The following TTLL8 variants were observed in gnomAD, a reference collection of about 807,000 sequenced individuals.
TTLL8 encodes tubulin tyrosine ligase like 8.
Under a neutral mutation model 77.8 loss-of-function variants are expected in TTLL8, and 65 were observed. The ratio of observed to expected loss-of-function variants is 0.84; its 90% CI spans 0.68 to 1.03. The LOEUF (loss-of-function observed/expected upper bound fraction) is 1.03, where lower values mean the gene tolerates loss of function less well. Ranked by LOEUF, TTLL8 falls within the 50% of genes least tolerant of loss-of-function variation. TTLL8 has a pLI of 0.00. For synonymous variants in TTLL8, 402 were observed against 422.8 expected (o/e 0.95, Z 0.60); for missense variants, 910 against 1,004.5 (o/e 0.91, Z 1.27).
In TTLL8 at chr22:50,047,304, G is replaced by GA. The variant is rs759149193; in HGVS notation, c.265-9dup. The GA allele has an allele frequency of 1.5e-6, 2 of 1,366,408 alleles. No individual in the cohort carries two copies. Among genetic ancestry groups the GA allele is most frequent in the Admixed American group, 1.9e-5 (1 of 52,176 alleles). 84.6% of individuals were successfully genotyped at this position (1,366,408 alleles called of 1,614,324 possible). ...ATTTTTTACCAACCTAGACTGGCAA[G>GA]AAAAAAGTCTTTATTGATGCCCAGC... On this transcript the variant is annotated splice_polypyrimidine_tract_variant and intron_variant, in intron 3 of 13. Coordinates refer to ENST00000266182, the Ensembl canonical transcript of TTLL8.
At chr22:50,022,777 A>T (rs1361357996) in intron 12 of TTLL8, among the ~76,000 whole-genome samples, 1 of 152,284 alleles carries the variant, frequency 6.6e-6, no homozygotes, top group Non-Finnish European at 1.5e-5. Flanking sequence ...CATAAAGATC[A>T]TAAGGGAAGA....
chr22:50,054,796 G>A (rs1601941420), upstream of TTLL8, among the ~76,000 whole-genome samples: 2 of 152,220 alleles, frequency 1.3e-5, no homozygotes, highest in African/African-American at 4.8e-5. Context: ...AGTCACTCAT[G>A]CCTGTAATCC....
At chr22:50,047,957 C>T (rs371117223) in intron 3 of TTLL8, among the ~76,000 whole-genome samples, 8 of 151,992 alleles carry the variant, frequency 5.3e-5, no homozygotes, top group African/African-American at 1.9e-4. Flanking sequence ...ATTAGCCGGG[C>T]GTGGTGGCGG....
chr22:50,039,379 C>T (rs1291405958), intron 8 of TTLL8, among the ~76,000 whole-genome samples: 2 of 152,088 alleles, frequency 1.3e-5, no homozygotes, highest in African/African-American at 4.8e-5. Context: ...ACGTATGTAA[C>T]TGGAGCCCTG....
chr22:50,045,493 C>T (rs1485004343), intron 5 of TTLL8, 104 bp from the exon 8 acceptor site: 2 of 1,045,204 alleles, frequency 1.9e-6, no homozygotes, highest in Non-Finnish European at 2.6e-6. Flanking sequence ...ACTTCCCGCC[C>T]TCATAGCCGA....
chr22:50,020,821 C>CAAT (rs71316985), intron 12 of TTLL8, among the ~76,000 whole-genome samples: 1 of 145,572 alleles, frequency 6.9e-6, no homozygotes, highest in East Asian at 2.2e-4. Flanking sequence ...CTCCATCTGA[C>CAAT]GTGCACTCCT....
chr22:50,055,828 G>T (rs114757004), upstream of TTLL8, among the ~76,000 whole-genome samples: 1,221 of 152,252 alleles, frequency 8.0e-3, 14 homozygotes, highest in African/African-American at 0.028. Flanking sequence ...CGTGTCAGCG[G>T]TGTGTGAACC....
intron 3 of TTLL8, among the ~76,000 whole-genome samples, chr22:50,048,966 G>A (rs1337203519): frequency 6.6e-6 from 1 of 152,248 alleles, no homozygotes; most frequent in Non-Finnish European, 1.5e-5. Flanking sequence ...AGTGCCCTCA[G>A]CTTCCACATG....
At position 50,044,221 on chromosome 22, in the gene TTLL8, G is replaced by A. The variant is rs1468192072; in HGVS notation, c.643+1034C>T. 2.0e-5 allele frequency among the ~76,000 whole-genome samples: 3 copies of A among 151,926 alleles called. No homozygotes were observed. The highest frequency in any genetic ancestry group is 2.9e-5 in the Non-Finnish European group (2 of 68,006). On this transcript the variant is annotated intron_variant, in intron 6 of 13. Transcript: ENST00000266182. The surrounding 1 kb of genome is among the most constrained non-coding windows in gnomAD (Gnocchi z 4.2). ...GGCACCCAACTACTCGGGAGGCTGA[G>A]ACAGGAGAATCGCTTGAACCCAGGA... is the stretch of plus-strand genomic sequence containing the variant.
intron 12 of TTLL8, chr22:50,030,225 C>T (rs561304033): frequency 1.0e-6 from 1 of 985,314 alleles, no homozygotes; most frequent in Non-Finnish European, 1.2e-6. Flanking sequence ...CGCCCCCCAC[C>T]CCGAGACCCC....
At chr22:50,042,851 G>A (rs1172911424) in intron 6 of TTLL8, among the ~76,000 whole-genome samples, 1 of 152,212 alleles carries the variant, frequency 6.6e-6, no homozygotes, top group Admixed American at 6.5e-5. Context: ...ACGCTGGCGA[G>A]GATGTGGAGA....
chr22:50,054,213 C>T (rs2061459211), intron 1 of TTLL8, among the ~76,000 whole-genome samples: 1 of 152,164 alleles, frequency 6.6e-6, no homozygotes, highest in Middle Eastern at 3.2e-3. Flanking sequence ...GAAATCGACA[C>T]ACCATCAAGA....
At chr22:50,030,135 C>A in intron 12 of TTLL8, 4 of 980,772 alleles carry the variant, frequency 4.1e-6, no homozygotes, top group Non-Finnish European at 4.8e-6. Flanking sequence ...CCGCGCCACA[C>A]CCCAGAGGTA....
chr22:50,052,016 C>T lies in TTLL8; in HGVS notation c.52-1769G>A, dbSNP rs904981667. On this transcript the variant is annotated intron_variant, in intron 1 of 13. Coordinates refer to ENST00000266182, the Ensembl canonical transcript of TTLL8. Reference sequence around the variant, plus strand: ...GTAGCTGGGAACCCTGAGTCTGAGTCCCAGCACCCATACGAGACATCCGGT... The same window carrying T: ...GTAGCTGGGAACCCTGAGTCTGAGTTCCAGCACCCATACGAGACATCCGGT... Among the ~76,000 whole-genome samples, 9 of 152,116 alleles carry T rather than the reference C, an allele frequency of 5.9e-5. 1 individual carries two copies. The highest frequency in any genetic ancestry group is 1.0e-4 in the Non-Finnish European group (7 of 68,012).
chr22:50,027,668 G>T (rs919317300), intron 12 of TTLL8: 1 of 985,326 alleles, frequency 1.0e-6, no homozygotes, highest in African/African-American at 1.7e-5. Context: ...CTGTCCTGCT[G>T]GCCGGACTGG....
chr22:50,041,531 ACCCAGTTCCCAGAGGCTGCACTG>A lies in TTLL8; in HGVS notation c.830+67_830+89del, dbSNP rs2061370838. 8.1e-7 allele frequency: 1 copy of A among 1,232,400 alleles called. No homozygotes were observed. Among genetic ancestry groups the A allele is most frequent in the African/African-American group, 1.6e-5 (1 of 63,580 alleles). 76.3% of individuals were successfully genotyped at this position (1,232,400 alleles called of 1,614,324 possible). A position where few individuals can be genotyped will look rare whatever the true frequency, so the allele number is the denominator to read the frequency against. ...AGGTAGCCTAATGCCCAGACAGGTG[ACCCAGTTCCCAGAGGCTGCACTG>A]CCCCGGCAGCTCCTGCAATCTGCAC... On this transcript the variant is annotated intron_variant, in intron 7 of 13. Transcript: ENST00000266182. This position sits in a 1 kb window ranked among gnomAD's most constrained non-coding sequence, Gnocchi z 4.3.
chr22:50,051,628 G>C (rs1601939232), intron 1 of TTLL8, among the ~76,000 whole-genome samples: 1 of 152,270 alleles, frequency 6.6e-6, no homozygotes, highest in East Asian at 1.9e-4. Flanking sequence ...TTCCACAGTG[G>C]TTGCACTAGT....
At position 50,045,456 on chromosome 22, in the gene TTLL8, G is replaced by T. The variant is rs533841828; in HGVS notation, c.509-67C>A. 8.9e-5 allele frequency: 117 copies of T among 1,316,470 alleles called. 1 individual carries two copies. In the South Asian group the frequency reaches 1.3e-3, roughly 15 times the overall value. The allele number at this position is 1,316,470 out of a possible 1,614,324, so 81.5% of individuals were successfully genotyped here. A position where few individuals can be genotyped will look rare whatever the true frequency, so the allele number is the denominator to read the frequency against. On this transcript the variant is annotated intron_variant, in intron 5 of 13. Coordinates refer to ENST00000266182, the Ensembl canonical transcript of TTLL8. Reference sequence around the variant, plus strand: ...GACTGGGGACTGGAGATGGGGCCAGGGCCACGGAGGCTCCCCAACCCGCCC... The same window carrying T: ...GACTGGGGACTGGAGATGGGGCCAGTGCCACGGAGGCTCCCCAACCCGCCC...
At chr22:50,043,305 C>T (rs559052342) in intron 6 of TTLL8, among the ~76,000 whole-genome samples, 2 of 150,586 alleles carry the variant, frequency 1.3e-5, no homozygotes, top group East Asian at 2.0e-4. Flanking sequence ...ACAGTGGTGC[C>T]GACATGTTCT....
Sources: allele counts gnomAD v4.1 joint callset (sites outside exome capture counted in the v4.1 genomes callset), GRCh38; gene constraint gnomAD v4.1.1; non-coding constraint Gnocchi (gnomAD v3.1); transcripts MANE v1.5; gene names NCBI Gene and HGNC (gene_info 2026-07-23, HGNC 2026-07-21).